ARHGAP44: variants seen among roughly 807,000 people sequenced by gnomAD.
The protein encoded by ARHGAP44 is rho GTPase-activating protein 44.
A neutral mutation model predicts 106.8 loss-of-function variants in ARHGAP44; 43 were observed. The ratio of observed to expected loss-of-function variants is 0.40; its 90% CI spans 0.32 to 0.52. The LOEUF is 0.52. Among genes scored for constraint, ARHGAP44 ranks in the 20% least tolerant of loss-of-function variants. The pLI is 0.48. For synonymous variants in ARHGAP44, 439 were observed against 410.3 expected (o/e 1.07, Z -0.85); for missense variants, 866 against 1,050.5 (o/e 0.82, Z 2.43).
chr17:12,927,936 T>G (rs2038294971), intron 6 of ARHGAP44, among the ~76,000 whole-genome samples: 1 of 152,188 alleles, frequency 6.6e-6, no homozygotes, highest in Non-Finnish European at 1.5e-5. Context: ...TTATTTTATT[T>G]TTTTTTAACT....
At chr17:12,874,986 G>GA (rs1376360838) in intron 1 of ARHGAP44, among the ~76,000 whole-genome samples, 1 of 151,878 alleles carries the variant, frequency 6.6e-6, no homozygotes, top group Non-Finnish European at 1.5e-5. Context: ...GGAAAATGGG[G>GA]AAGATTTAGA....
At chr17:12,885,076 T>C (rs889564281) in intron 1 of ARHGAP44, among the ~76,000 whole-genome samples, 51 of 152,224 alleles carry the variant, frequency 3.4e-4, no homozygotes, top group Middle Eastern at 3.4e-3. Flanking sequence ...AATTTTTGTA[T>C]TTTTAGTAGA....
At chr17:12,913,550 TA>T (rs1433711627) in intron 4 of ARHGAP44, among the ~76,000 whole-genome samples, 1 of 152,188 alleles carries the variant, frequency 6.6e-6, no homozygotes, top group Non-Finnish European at 1.5e-5. Flanking sequence ...GTAATGTTAA[TA>T]GCTAATATTT....
chr17:12,845,506 CA>C (rs748288660), intron 1 of ARHGAP44, among the ~76,000 whole-genome samples: 1,289 of 67,908 alleles, frequency 0.019, 18 homozygotes, highest in African/African-American at 0.05. Context: ...GACTCCGTCT[CA>C]AAAAAAAAAA....
chr17:12,896,443 C>T lies in ARHGAP44; in HGVS notation c.130C>T (p.His44Tyr). 1 of 1,609,096 alleles carries T rather than the reference C, an allele frequency of 6.2e-7. No homozygotes were observed. Among genetic ancestry groups the T allele is most frequent in the Non-Finnish European group, 8.5e-7 (1 of 1,178,022 alleles). Residue 44 changes from histidine (H) to tyrosine (Y), a missense_variant, in exon 3 of 21, where the codon CAC becomes TAC. Transcript: ENST00000379672. ...KRLELVKQVSHSTHKKLTACL... is the reference protein window; with the variant it reads ...KRLELVKQVSYSTHKKLTACL... ...TCTGGAGCTGGTGAAACAGGTGTCC[C>T]ACAGCACGCACAAGAAGCTCACCGC...
At position 12,984,692 on chromosome 17, in the gene ARHGAP44, G is replaced by A. The variant is rs983409148; in HGVS notation, c.2101G>A (p.Ala701Thr). Reference sequence around the variant, plus strand: ...GAGCTACCCTCAGGGGTACTCCTTGGCCTCGGGCCAGCTCTCCCCAGCTGC... The same window carrying A: ...GAGCTACCCTCAGGGGTACTCCTTGACCTCGGGCCAGCTCTCCCCAGCTGC... ...GLSYPQGYSL[A>T]SGQLSPAAAP... The change falls in exon 20 of 21, where the codon GCC becomes ACC. Residue 701 changes from alanine (A) to threonine (T), a missense_variant. Transcript: ENST00000379672. 2.5e-6 allele frequency: 4 copies of A among 1,613,506 alleles called. No individual in the cohort carries two copies. In the South Asian group the frequency reaches 3.3e-5, roughly 13 times the overall value.
intron 19 of ARHGAP44, chr17:12,982,851 A>T (rs1212522384): frequency 6.6e-6 from 1 of 152,052 alleles, no homozygotes; most frequent in East Asian, 1.9e-4. Context: ...ACACCCAGAG[A>T]ATACATGAGG....
chr17:12,973,931 T>TGG (rs1043001116), intron 17 of ARHGAP44, 158 bp from the exon 18 acceptor site: 4 of 789,142 alleles, frequency 5.1e-6, no homozygotes, highest in Non-Finnish European at 8.4e-6. Flanking sequence ...GCCAGGGTGC[T>TGG]GGGAGCACAG....
At chr17:12,832,282 G>A (rs2150814749) in intron 1 of ARHGAP44, among the ~76,000 whole-genome samples, 1 of 152,250 alleles carries the variant, frequency 6.6e-6, no homozygotes, top group Non-Finnish European at 1.5e-5. Context: ...ATAGGGGATT[G>A]AAGCTGTCCT....
intron 1 of ARHGAP44, among the ~76,000 whole-genome samples, chr17:12,813,712 G>T (rs2034508593): frequency 6.6e-6 from 1 of 152,098 alleles, no homozygotes; most frequent in Non-Finnish European, 1.5e-5. Context: ...CAAAGAGAGT[G>T]TATCTTTCAG....
chr17:12,950,030 G>A (rs1009690801), intron 12 of ARHGAP44, among the ~76,000 whole-genome samples: 2 of 152,160 alleles, frequency 1.3e-5, no homozygotes, highest in African/African-American at 4.8e-5. Context: ...AAAATAGGTA[G>A]AGTTATTCAT....
At chr17:12,814,235 G>GTTTTTTTTTT (rs773171329) in intron 1 of ARHGAP44, among the ~76,000 whole-genome samples, 2 of 87,270 alleles carry the variant, frequency 2.3e-5, no homozygotes, top group Non-Finnish European at 4.3e-5. Context: ...CCAAACTGGT[G>GTTTTTTTTTT]TTTTTTTTTT....
intron 17 of ARHGAP44, 68 bp downstream of exon 17, chr17:12,973,387 G>C: frequency 6.5e-7 from 1 of 1,531,516 alleles, no homozygotes; most frequent in Non-Finnish European, 8.9e-7. Flanking sequence ...ATGCATCGTA[G>C]TGAGTTCCAC....
intron 1 of ARHGAP44, among the ~76,000 whole-genome samples, chr17:12,839,320 T>G (rs1282183442): frequency 6.6e-6 from 1 of 152,202 alleles, no homozygotes; most frequent in Non-Finnish European, 1.5e-5. Context: ...CCCTCGCTCT[T>G]CCAAGGGAAA....
In ARHGAP44 at chr17:12,974,449, G is replaced by C. The variant is rs757570902; in HGVS notation, c.1763+139G>C. The C allele has an allele frequency of 4.4e-4, 323 of 737,984 alleles. 1 individual carries two copies. The highest frequency in any genetic ancestry group is 6.1e-4 in the Non-Finnish European group (312 of 508,452). 45.7% of individuals were successfully genotyped at this position (737,984 alleles called of 1,614,324 possible). A position where few individuals can be genotyped will look rare whatever the true frequency, so the allele number is the denominator to read the frequency against. ...TTCTAAGCATTCATATTTGGCTTCT[G>C]CGTCGCGCTGGCACCAAGTCAGTCA... On this transcript the variant is annotated intron_variant, in intron 18 of 20. Transcript: ENST00000379672.
At chr17:12,836,969 A>G (rs184769687) in intron 1 of ARHGAP44, among the ~76,000 whole-genome samples, 1 of 152,350 alleles carries the variant, frequency 6.6e-6, no homozygotes, top group Non-Finnish European at 1.5e-5. Context: ...AATAAGGTAT[A>G]CAGAGGATAC....
intron 18 of ARHGAP44, among the ~76,000 whole-genome samples, chr17:12,977,730 T>G (rs572128034): frequency 6.6e-6 from 1 of 152,156 alleles, no homozygotes; most frequent in South Asian, 2.1e-4. Context: ...GGTAAATACT[T>G]GTTTCTGTGC....
At chr17:12,796,796 A>G (rs992407871) in intron 1 of ARHGAP44, among the ~76,000 whole-genome samples, 5 of 149,946 alleles carry the variant, frequency 3.3e-5, no homozygotes, top group East Asian at 2.0e-4. Context: ...TAGTGGAGAC[A>G]GGGTTTCACC....
At chr17:12,816,587 C>T (rs2034603797) in intron 1 of ARHGAP44, among the ~76,000 whole-genome samples, 1 of 152,050 alleles carries the variant, frequency 6.6e-6, no homozygotes. Flanking sequence ...CAAGCTTGCT[C>T]AATTCAAAAG....
Sources: allele counts gnomAD v4.1 joint callset (sites outside exome capture counted in the v4.1 genomes callset), GRCh38; gene constraint gnomAD v4.1.1; transcripts MANE v1.5; gene names NCBI Gene and HGNC (gene_info 2026-07-23, HGNC 2026-07-21).